The following EMC8 variants were observed in gnomAD, a reference collection of about 807,000 sequenced individuals.
The protein encoded by EMC8 is ER membrane protein complex subunit 8.
A neutral mutation model predicts 24.3 loss-of-function variants in EMC8; 11 were observed. That is an observed-to-expected ratio of 0.45 (90% CI 0.28 to 0.75). The LOEUF is 0.75. Ranked by LOEUF, EMC8 falls within the 30% of genes least tolerant of loss-of-function variation. The probability of loss-of-function intolerance (pLI) is 0.12; values close to 1 mark genes in which losing one functional copy is unlikely to be tolerated. For missense variants in EMC8, 277 were observed against 282.7 expected (o/e 0.98, Z 0.14); for synonymous variants, 145 against 117.7 (o/e 1.23, Z -1.50).
chr16:85,779,349 T>TTTTA lies in EMC8; in HGVS notation c.*358_*359insTAAA, dbSNP rs1491213838. ...AGATGTGGGCTTTTTTTTTTTTTTT[T>TTTTA]AAAAAAAGATAGTTCAAAAGCCTTA... On this transcript the variant is annotated 3_prime_UTR_variant, in exon 5 of 5. Coordinates refer to ENST00000253457, the MANE Select transcript of EMC8 (RefSeq NM_006067.5). The TTTTA allele has an allele frequency of 7.6e-5, 10 of 132,392 alleles. No individual in the cohort carries two copies. Among genetic ancestry groups the TTTTA allele is most frequent in the African/African-American group, 2.8e-4 (10 of 35,422 alleles). 8.2% of individuals were successfully genotyped at this position (132,392 alleles called of 1,614,324 possible).
Position 85,793,704 on chromosome 16 carries a change from A to G in EMC8, c.232-4654T>C, listed in dbSNP as rs575923441. On this transcript the variant is annotated intron_variant, in intron 1 of 4. Coordinates refer to ENST00000253457, the MANE Select transcript of EMC8 (RefSeq NM_006067.5). The stretch of plus-strand genomic sequence containing the variant: ...TGGTGATGAGGCCAGTGAGCAAGCC[A>G]GCAAGTCATCTGCGCAGAATGTAAC... Among the ~76,000 whole-genome samples, 88 of 152,354 alleles carry G rather than the reference A, an allele frequency of 5.8e-4. 3 individuals carry two copies. The South Asian group carries it at 0.016, about 28-fold the overall frequency.
At chr16:85,789,333 C>T (rs994642056) in intron 1 of EMC8, among the ~76,000 whole-genome samples, 4 of 152,158 alleles carry the variant, frequency 2.6e-5, no homozygotes, top group Admixed American at 2.6e-4. Flanking sequence ...GGGAAGATGA[C>T]CTTCACCTAC....
At chr16:85,797,087 T>C (rs1905268499) in intron 1 of EMC8, among the ~76,000 whole-genome samples, 1 of 152,226 alleles carries the variant, frequency 6.6e-6, no homozygotes, top group Non-Finnish European at 1.5e-5. Context: ...ACAGATCCAA[T>C]AATTCTCTTG....
At chr16:85,787,882 C>G (rs1009495243) in intron 2 of EMC8, among the ~76,000 whole-genome samples, 2 of 152,194 alleles carry the variant, frequency 1.3e-5, no homozygotes, top group South Asian at 4.1e-4. Context: ...TGTTTCTCAT[C>G]AGAAACACTG....
intron 2 of EMC8, among the ~76,000 whole-genome samples, chr16:85,788,489 G>T (rs920593163): frequency 6.6e-6 from 1 of 152,270 alleles, no homozygotes; most frequent in African/African-American, 2.4e-5. Context: ...ATTAGCGAGA[G>T]CCCCAGTTGG....
rs962660815 is a variant in EMC8 at position 85,799,510 on chromosome 16, C to G, written c.-215G>C. The G allele has an allele frequency of 4.7e-5, 18 of 386,718 alleles. No individual in the cohort carries two copies. Among genetic ancestry groups the G allele is most frequent in the African/African-American group, 3.1e-4 (15 of 47,778 alleles). The allele number at this position is 386,718 out of a possible 1,614,324, so 24.0% of individuals were successfully genotyped here. ...CTCTGGGAAGCCGCAGCCCCAGACT[C>G]CAGTCGCGCTTCTCGCCCGGCGCCG... On this transcript the variant is annotated 5_prime_UTR_variant, in exon 1 of 5. Coordinates refer to ENST00000253457, the MANE Select transcript of EMC8 (RefSeq NM_006067.5). This position sits in a 1 kb window ranked among gnomAD's most constrained non-coding sequence, Gnocchi z 4.2.
chr16:85,797,912 G>A (rs141156381), intron 1 of EMC8, among the ~76,000 whole-genome samples: 3 of 152,068 alleles, frequency 2.0e-5, no homozygotes. Flanking sequence ...TTAACAACTC[G>A]ATGGAATTTA....
chr16:85,783,769 T>A (rs1904621924), intron 2 of EMC8, among the ~76,000 whole-genome samples: 1 of 152,170 alleles, frequency 6.6e-6, no homozygotes, highest in Non-Finnish European at 1.5e-5. Context: ...AAGGCCTCCT[T>A]ACTGAATTGC....
rs768360785 is a variant in EMC8, at chr16:85,799,299, G to C, written c.-4C>G. 1 of 1,588,968 alleles carries C rather than the reference G, an allele frequency of 6.3e-7. No individual in the cohort carries two copies. Among genetic ancestry groups the C allele is most frequent in the Admixed American group, 1.7e-5 (1 of 58,862 alleles). ...TGGTCAGTTTCACCCCGGGCATGCT[G>C]ACCCGGGAGGGCCCCGGAGGCCCCT... On this transcript the variant is annotated 5_prime_UTR_variant, in exon 1 of 5. Transcript: ENST00000253457. The surrounding 1 kb of genome is among the most constrained non-coding windows in gnomAD (Gnocchi z 4.2).
chr16:85,795,378 G>A (rs1905205385), intron 1 of EMC8, among the ~76,000 whole-genome samples: 1 of 152,164 alleles, frequency 6.6e-6, no homozygotes, highest in Non-Finnish European at 1.5e-5. Flanking sequence ...CGTTCCTGGG[G>A]TGTGATGAGA....
intron 1 of EMC8, among the ~76,000 whole-genome samples, chr16:85,795,939 A>C (rs1426621656): frequency 1.3e-5 from 2 of 152,058 alleles, no homozygotes; most frequent in African/African-American, 4.8e-5. Context: ...GTGTGTGGGG[A>C]AACTCCTATA....
chr16:85,780,950 G>T (rs990261486), intron 3 of EMC8: 1 of 533,030 alleles, frequency 1.9e-6, no homozygotes, highest in East Asian at 3.2e-5. Flanking sequence ...GGGTGCCTGG[G>T]AATTCGCATT....
intron 2 of EMC8, chr16:85,784,564 G>A (rs763678072): frequency 3.9e-5 from 6 of 152,116 alleles, no homozygotes; most frequent in Non-Finnish European, 8.8e-5. Flanking sequence ...GAGGGAAGGG[G>A]AGGTTTTCAG....
chr16:85,795,643 C>A (rs1905218191), intron 1 of EMC8, among the ~76,000 whole-genome samples: 1 of 152,212 alleles, frequency 6.6e-6, no homozygotes, highest in Non-Finnish European at 1.5e-5. Context: ...AGCTTCCATG[C>A]CCCTTTCCCA....
At chr16:85,780,535 G>A (rs891089232) in intron 3 of EMC8, 62 bp from the exon 4 acceptor site, 13 of 1,236,714 alleles carry the variant, frequency 1.1e-5, no homozygotes, top group African/African-American at 5.9e-5. Flanking sequence ...AGCGGCAGGC[G>A]CCTCCTCGGG....
In EMC8 at chr16:85,799,222, G is replaced by A. The variant is rs1316685172; in HGVS notation, c.74C>T (p.Ala25Val). 2.5e-6 allele frequency: 4 copies of A among 1,613,426 alleles called. No individual in the cohort carries two copies. The highest frequency in any genetic ancestry group is 3.3e-5 in the Admixed American group (2 of 60,026). ...CTCGGCCACCAGGAGCCCGTTGACG[G>A]CGCAGTGCGGGTACTTGGCGCCGTG... ...VLHGAKYPHC[A>V]VNGLLVAEKQ... is the part of the protein sequence containing the mutation. The change falls in exon 1 of 5, where the codon GCC becomes GTC. Residue 25 changes from alanine to valine, a missense_variant. Coordinates refer to ENST00000253457, the MANE Select transcript of EMC8 (RefSeq NM_006067.5). This position sits in a 1 kb window ranked among gnomAD's most constrained non-coding sequence, Gnocchi z 4.2.
In EMC8 at chr16:85,799,304, G is replaced by C. The variant is rs371404018; in HGVS notation, c.-9C>G. On this transcript the variant is annotated 5_prime_UTR_variant, in exon 1 of 5. Transcript: ENST00000253457. This position sits in a 1 kb window ranked among gnomAD's most constrained non-coding sequence, Gnocchi z 4.2. ...AGTTTCACCCCGGGCATGCTGACCC[G>C]GGAGGGCCCCGGAGGCCCCTGGGCG... is the stretch of plus-strand genomic sequence containing the variant. 3 of 1,584,612 alleles carry C rather than the reference G, an allele frequency of 1.9e-6. No individual in the cohort carries two copies. Among genetic ancestry groups the C allele is most frequent in the Non-Finnish European group, 1.7e-6 (2 of 1,167,324 alleles).
At position 85,779,346 on chromosome 16, in the gene EMC8, TTTTA is replaced by T; in HGVS notation, c.*358_*361del. 3 of 163,804 alleles carry T rather than the reference TTTTA, an allele frequency of 1.8e-5. No individual in the cohort carries two copies. The highest frequency in any genetic ancestry group is 1.5e-4 in the South Asian group (1 of 6,496). The allele number at this position is 163,804 out of a possible 1,614,324, so 10.1% of individuals were successfully genotyped here. A position where few individuals can be genotyped will look rare whatever the true frequency, so the allele number is the denominator to read the frequency against. On this transcript the variant is annotated 3_prime_UTR_variant, in exon 5 of 5. Coordinates refer to ENST00000253457, the MANE Select transcript of EMC8 (RefSeq NM_006067.5). ...ATAAGATGTGGGCTTTTTTTTTTTT[TTTTA>T]AAAAAAGATAGTTCAAAAGCCTTAA...
chr16:85,796,519 C>T (rs1905248531), intron 1 of EMC8, among the ~76,000 whole-genome samples: 1 of 152,220 alleles, frequency 6.6e-6, no homozygotes, highest in Non-Finnish European at 1.5e-5. Context: ...CGCAACTCTC[C>T]TCCAGTGGCT....
Sources: allele counts gnomAD v4.1 joint callset (sites outside exome capture counted in the v4.1 genomes callset), GRCh38; gene constraint gnomAD v4.1.1; non-coding constraint Gnocchi (gnomAD v3.1); transcripts MANE v1.5; gene names NCBI Gene and HGNC (gene_info 2026-07-23, HGNC 2026-07-21).